Variants in PLEKHA8 observed in about 807,000 individuals in gnomAD.
The protein encoded by PLEKHA8 is pleckstrin homology domain containing A8.
Under a neutral mutation model 68.2 loss-of-function variants are expected in PLEKHA8, and 36 were observed. The observed-to-expected ratio is 0.53, with a 90% CI of 0.40 to 0.70. PLEKHA8 has a LOEUF of 0.70. Ranked by LOEUF, PLEKHA8 falls within the 30% of genes least tolerant of loss-of-function variation. The probability of loss-of-function intolerance (pLI) is 0.00; values close to 1 mark genes in which losing one functional copy is unlikely to be tolerated. For missense variants in PLEKHA8, 505 were observed against 615.4 expected (o/e 0.82, Z 1.90); for synonymous variants, 211 against 216.1 (o/e 0.98, Z 0.20).
At chr7:30,116,220 A>G (rs867449142) in intron 13 of PLEKHA8, among the ~76,000 whole-genome samples, 22 of 151,298 alleles carry the variant, frequency 1.5e-4, no homozygotes, top group African/African-American at 5.4e-4. Flanking sequence ...ATACATATGT[A>G]TATACGTATA....
chr7:30,118,706 C>G (rs896352787), intron 13 of PLEKHA8, among the ~76,000 whole-genome samples: 1 of 152,046 alleles, frequency 6.6e-6, no homozygotes, highest in African/African-American at 2.4e-5. Flanking sequence ...GCCTCCCCAG[C>G]AGCTGGGACT....
At chr7:30,062,134 G>C in intron 11 of PLEKHA8, 107 bp downstream of exon 11, 1 of 1,351,060 alleles carries the variant, frequency 7.4e-7, no homozygotes, top group Non-Finnish European at 9.9e-7. Flanking sequence ...GGATCTAGTT[G>C]AATTGTGTAG....
At chr7:30,101,453 C>T (rs1454180357) in intron 13 of PLEKHA8, among the ~76,000 whole-genome samples, 2 of 152,144 alleles carry the variant, frequency 1.3e-5, no homozygotes, top group Non-Finnish European at 2.9e-5. Flanking sequence ...TGAGGGCTCT[C>T]TTCCAGGTTG....
chr7:30,052,454 T>C (rs1792489811), intron 6 of PLEKHA8, among the ~76,000 whole-genome samples: 3 of 151,964 alleles, frequency 2.0e-5, no homozygotes, highest in Admixed American at 2.0e-4. Flanking sequence ...CTGGGCAACA[T>C]AGTGACACCC....
At chr7:30,122,078 G>A (rs1287011355) in intron 13 of PLEKHA8, among the ~76,000 whole-genome samples, 2 of 152,238 alleles carry the variant, frequency 1.3e-5, no homozygotes, top group Non-Finnish European at 2.9e-5. Flanking sequence ...AAATGAGAAT[G>A]TCAGTGTGAA....
chr7:30,062,205 G>C (rs544843632), intron 11 of PLEKHA8, among the ~76,000 whole-genome samples, 178 bp downstream of exon 11: 3 of 151,816 alleles, frequency 2.0e-5, no homozygotes, highest in South Asian at 2.1e-4. Flanking sequence ...CTCTTTTGAT[G>C]GTGATAAATA....
chr7:30,079,894 T>C lies in PLEKHA8; in HGVS notation c.*1107T>C, dbSNP rs890183137. 1.8e-5 allele frequency: 18 copies of C among 979,532 alleles called. No individual in the cohort carries two copies. The South Asian group carries it at 3.8e-4, about 21-fold the overall frequency. The allele number at this position is 979,532 out of a possible 1,614,324, so 60.7% of individuals were successfully genotyped here. ...AGTTTTCTTCAAGAACTAAATGATATGTCCTTTTTTTTTTTTTCAAAGAGG... is the reference window on the plus strand; with the variant it reads ...AGTTTTCTTCAAGAACTAAATGATACGTCCTTTTTTTTTTTTTCAAAGAGG... On this transcript the variant is annotated 3_prime_UTR_variant, in exon 14 of 14. Coordinates refer to ENST00000449726, the MANE Select transcript of PLEKHA8 (RefSeq NM_001197026.2).
chr7:30,104,317 T>A (rs536865770), intron 13 of PLEKHA8, among the ~76,000 whole-genome samples: 37 of 152,314 alleles, frequency 2.4e-4, no homozygotes, highest in African/African-American at 7.9e-4. Flanking sequence ...ATAACGCTGC[T>A]AGGTATTTTT....
chr7:30,074,246 T>TTGTGTGTGTG (rs149548208), intron 13 of PLEKHA8, 114 bp downstream of exon 13: 33,943 of 487,174 alleles, frequency 0.07, 960 homozygotes, highest in African/African-American at 0.11. Flanking sequence ...AGAAACAAAG[T>TTGTGTGTGTG]TGTGTGTGTG....
Position 30,079,821 on chromosome 7 carries a change from C to A in PLEKHA8, c.*1034C>A. 1 of 910,982 alleles carries A rather than the reference C, an allele frequency of 1.1e-6. No homozygotes were observed. 56.4% of individuals were successfully genotyped at this position (910,982 alleles called of 1,614,324 possible). A position where few individuals can be genotyped will look rare whatever the true frequency, so the allele number is the denominator to read the frequency against. On this transcript the variant is annotated 3_prime_UTR_variant, in exon 14 of 14. Transcript: ENST00000449726. The stretch of plus-strand genomic sequence containing the variant: ...AAACTTTACACGTGATTCTTCTGCA[C>A]ACAGTATTGAAGAGCAACTAGATTA...
In PLEKHA8 at chr7:30,089,706, A is replaced by G. The variant is rs554553530; in HGVS notation, c.1301-447A>G. ...TGGGAAACAGGTGAAACCAATATGG[A>G]AAAAAAGCTAGTCCAAGAAACAAAA... On this transcript the variant is annotated intron_variant, in intron 12 of 12. Transcript: ENST00000258679. 9.9e-5 allele frequency among the ~76,000 whole-genome samples: 15 copies of G among 152,274 alleles called. No individual in the cohort carries two copies. The South Asian group carries it at 3.1e-3, about 32-fold the overall frequency.
At chr7:30,072,427 G>A (rs189338576) in intron 12 of PLEKHA8, among the ~76,000 whole-genome samples, 181 of 152,272 alleles carry the variant, frequency 1.2e-3, no homozygotes, top group Non-Finnish European at 1.5e-3. Flanking sequence ...TATTAATAAA[G>A]CCTCACTCCA....
intron 13 of PLEKHA8, among the ~76,000 whole-genome samples, chr7:30,104,030 A>G (rs1394760630): frequency 6.6e-6 from 1 of 152,252 alleles, no homozygotes; most frequent in Non-Finnish European, 1.5e-5. Context: ...AATTATTTAA[A>G]AAATGCACAA....
chr7:30,056,287 T>TCC (rs1583825135), intron 9 of PLEKHA8, among the ~76,000 whole-genome samples: 1 of 73,652 alleles, frequency 1.4e-5, no homozygotes, highest in Non-Finnish European at 2.9e-5. Context: ...ATTCTCTCTC[T>TCC]CTCTCTCTCT....
intron 10 of PLEKHA8, 125 bp downstream of exon 10, chr7:30,061,067 C>T: frequency 1.2e-6 from 1 of 837,108 alleles, no homozygotes; most frequent in South Asian, 1.6e-5. Context: ...AGAGAGCAAG[C>T]ATCTTTCTTC....
At chr7:30,089,006 C>G (rs551625277), downstream of PLEKHA8, among the ~76,000 whole-genome samples, 106 of 152,194 alleles carry the variant, frequency 7.0e-4, no homozygotes, top group African/African-American at 2.4e-3. Flanking sequence ...AATTAAGAGA[C>G]AAACCCACAT....
chr7:30,119,628 T>C (rs1264999481), intron 13 of PLEKHA8, among the ~76,000 whole-genome samples: 2 of 152,224 alleles, frequency 1.3e-5, no homozygotes, highest in Non-Finnish European at 2.9e-5. Flanking sequence ...CAAACACCTC[T>C]GGGAAGTGGG....
In PLEKHA8 at chr7:30,047,828, T is replaced by G. The variant is rs773336869; in HGVS notation, c.314-4T>G. The stretch of plus-strand genomic sequence containing the variant: ...TACTGCATTATCATCATTTTGTCAT[T>G]TAGAGTTTGCTGAAAACACTGAAAA... On this transcript the variant is annotated splice_polypyrimidine_tract_variant and splice_region_variant and intron_variant, in intron 3 of 13. Transcript: ENST00000449726. 2 of 1,609,248 alleles carry G rather than the reference T, an allele frequency of 1.2e-6. No homozygotes were observed. The highest frequency in any genetic ancestry group is 1.7e-6 in the Non-Finnish European group (2 of 1,177,310).
At chr7:30,042,889 C>A (rs996168608) in intron 1 of PLEKHA8, among the ~76,000 whole-genome samples, 2 of 152,216 alleles carry the variant, frequency 1.3e-5, no homozygotes, top group Non-Finnish European at 2.9e-5. Context: ...CTGTGCCCAA[C>A]AAGATACAGT....
Sources: allele counts gnomAD v4.1 joint callset (sites outside exome capture counted in the v4.1 genomes callset), GRCh38; gene constraint gnomAD v4.1.1; transcripts MANE v1.5; gene names NCBI Gene and HGNC (gene_info 2026-07-23, HGNC 2026-07-21).